MTFR2: variants seen among roughly 807,000 people sequenced by gnomAD.
The protein encoded by MTFR2 is DUF729 domain-containing protein 1.
MTFR2 carries 44 observed loss-of-function variants against 41.2 expected under a neutral mutation model. The observed-to-expected ratio is 1.07, with a 90% confidence interval of 0.84 to 1.37. The LOEUF (loss-of-function observed/expected upper bound fraction) is 1.37, where lower values mean the gene tolerates loss of function less well. MTFR2 is among the 40% of genes most tolerant of loss of function. MTFR2 has a pLI of 0.00. For synonymous variants in MTFR2, 141 were observed against 154.6 expected, an observed-to-expected ratio of 0.91 and a Z score of 0.65; for missense variants, 452 against 459.5, an observed-to-expected ratio of 0.98 and a Z score of 0.15.
At position 136,233,451 on chromosome 6, in the gene MTFR2, A is replaced by G. The variant is rs150114676; in HGVS notation, c.918T>C (p.His306=). ...PIHKRKRQNS[H]WDPVSLISHA... ...GAGATATTAAAGAAACTGGATCCCAATGTGAATTCTGTCTTTTCCTCTTAT... is the reference window on the plus strand; with the variant it reads ...GAGATATTAAAGAAACTGGATCCCAGTGTGAATTCTGTCTTTTCCTCTTAT... Residue 306 remains histidine, a synonymous_variant, in exon 7 of 8, where the codon CAT becomes CAC. Coordinates refer to ENST00000420702, the MANE Select transcript of MTFR2 (RefSeq NM_001099286.3). 43 of 1,591,750 alleles carry G rather than the reference A, an allele frequency of 2.7e-5. No individual in the cohort carries two copies. The highest frequency in any genetic ancestry group is 1.6e-4 in the East Asian group (7 of 44,478).
At chr6:136,234,143 G>A (rs981372967) in intron 6 of MTFR2, among the ~76,000 whole-genome samples, 1 of 151,712 alleles carries the variant, frequency 6.6e-6, no homozygotes, top group Admixed American at 6.6e-5. Context: ...AGCAGCTTGG[G>A]TAACATAGCG....
chr6:136,233,852 A>C (rs200764969), intron 6 of MTFR2, among the ~76,000 whole-genome samples: 2 of 141,366 alleles, frequency 1.4e-5, no homozygotes, highest in Non-Finnish European at 3.1e-5. Flanking sequence ...AGTTCATGCC[A>C]AAAAAAAAAA....
chr6:136,233,519 AT>A lies in MTFR2; in HGVS notation c.870-21del. The A allele has an allele frequency of 2.1e-6, 3 of 1,459,848 alleles. No homozygotes were observed. The highest frequency in any genetic ancestry group is 2.7e-6 in the Non-Finnish European group (3 of 1,097,002). 90.4% of individuals were successfully genotyped at this position (1,459,848 alleles called of 1,614,324 possible). On this transcript the variant is annotated intron_variant, in intron 6 of 7. Coordinates refer to ENST00000420702, the MANE Select transcript of MTFR2 (RefSeq NM_001099286.3). ...GGTGACCTATTTTTTAAAAAAAAAA[AT>A]TGAATTTATTAAAACTTGGATGTAA...
At chr6:136,233,690 C>T (rs1779829859) in intron 6 of MTFR2, among the ~76,000 whole-genome samples, 191 bp from the exon 7 acceptor site, 1 of 152,032 alleles carries the variant, frequency 6.6e-6, no homozygotes, top group Non-Finnish European at 1.5e-5. Context: ...ATCAGAAAAC[C>T]AAGAACCCAT....
In MTFR2 at chr6:136,231,408, T is replaced by A; in HGVS notation, c.1045-20A>T. On this transcript the variant is annotated intron_variant, in intron 7 of 7. Coordinates refer to ENST00000420702, the MANE Select transcript of MTFR2 (RefSeq NM_001099286.3). ...TCCAAACTGAAATAAAGCAAATATT[T>A]AACACAGAAATTATTCTAATGTCAA... 1 of 1,453,498 alleles carries A rather than the reference T, an allele frequency of 6.9e-7. No individual in the cohort carries two copies. Among genetic ancestry groups the A allele is most frequent in the Non-Finnish European group, 9.5e-7 (1 of 1,052,158 alleles). The allele number at this position is 1,453,498 out of a possible 1,614,324, so 90.0% of individuals were successfully genotyped here.
At chr6:136,242,795 A>AC in intron 4 of MTFR2, 66 bp downstream of exon 4, 3 of 1,247,110 alleles carry the variant, frequency 2.4e-6, no homozygotes, top group Non-Finnish European at 3.4e-6. Context: ...ATCAATCTTA[A>AC]CAAGCTTCGA....
Position 136,240,960 on chromosome 6 carries a change from G to A in MTFR2, c.514+484C>T, listed in dbSNP as rs193055053. ...CAAAAAATTAGCCGAGCGTGGTGGCGGGCGCCTGTAGTCCCAGCTACTCGA... is the reference window on the plus strand; with the variant it reads ...CAAAAAATTAGCCGAGCGTGGTGGCAGGCGCCTGTAGTCCCAGCTACTCGA... On this transcript the variant is annotated intron_variant, in intron 5 of 7. Coordinates refer to ENST00000420702, the MANE Select transcript of MTFR2 (RefSeq NM_001099286.3). Among the ~76,000 whole-genome samples the A allele has an allele frequency of 1.9e-3, 287 of 152,154 alleles. 2 individuals are homozygous for A. Among genetic ancestry groups the A allele is most frequent in the Admixed American group, 7.5e-3 (115 of 15,292 alleles).
At chr6:136,244,210 T>C (rs190896483) in intron 3 of MTFR2, among the ~76,000 whole-genome samples, 5 of 152,336 alleles carry the variant, frequency 3.3e-5, no homozygotes, top group African/African-American at 1.2e-4. Flanking sequence ...TGTACAGTAA[T>C]GTCCTAGGCC....
At position 136,231,354 on chromosome 6, in the gene MTFR2, C is replaced by T. The variant is rs79645194; in HGVS notation, c.1079G>A (p.Arg360Gln). 10,552 of 1,611,540 alleles carry T rather than the reference C, an allele frequency of 6.5e-3. 560 individuals are homozygous for T. The African/African-American group carries it at 0.11, about 17-fold the overall frequency. The change falls in exon 8 of 8, where the codon CGA (arginine) becomes CAA (glutamine). Residue 360 changes from arginine (R) to glutamine (Q), a missense_variant. Arg to Gln is a conservative substitution (Grantham distance 43). Coordinates refer to ENST00000420702, the MANE Select transcript of MTFR2 (RefSeq NM_001099286.3). ...TGTGTTGACCATTTCTTCTTTAGTT[C>T]GCTGTCCTTCTGACTGTGAAATGTG... is the stretch of plus-strand genomic sequence containing the variant. ...GHHISQSEGQ[R>Q]TKEEMVNTKA... is the part of the protein sequence containing the mutation.
chr6:136,243,041 G>A, intron 3 of MTFR2, 68 bp from the exon 4 acceptor site: 2 of 941,112 alleles, frequency 2.1e-6, no homozygotes, highest in Non-Finnish European at 3.1e-6. Context: ...ATGCCCCATG[G>A]TATTAAATTA....
Position 136,231,352 on chromosome 6 carries a change from T to C in MTFR2, c.1081A>G (p.Thr361Ala), listed in dbSNP as rs1436890346. The C allele has an allele frequency of 6.2e-7, 1 of 1,612,342 alleles. No individual in the cohort carries two copies. The highest frequency in any genetic ancestry group is 2.2e-5 in the East Asian group (1 of 44,844). ...TTTGTGTTGACCATTTCTTCTTTAG[T>C]TCGCTGTCCTTCTGACTGTGAAATG... ...HHISQSEGQR[T>A]KEEMVNTKAV... is the part of the protein sequence containing the mutation. The change falls in exon 8 of 8, where the codon ACT becomes GCT. Residue 361 changes from threonine to alanine, a missense_variant. Physicochemically the swap from Thr to Ala is moderately conservative, Grantham distance 58. Transcript: ENST00000420702.
At chr6:136,244,727 G>C in intron 3 of MTFR2, 38 bp downstream of exon 3, 2 of 1,365,196 alleles carry the variant, frequency 1.5e-6, no homozygotes, top group Non-Finnish European at 2.1e-6. Context: ...GGATTATTTT[G>C]TACTTGGTAC....
Position 136,233,502 on chromosome 6 carries a change from AT to A in MTFR2, c.870-4del, listed in dbSNP as rs199945186. On this transcript the variant is annotated splice_region_variant and splice_polypyrimidine_tract_variant and intron_variant, in intron 6 of 7. Coordinates refer to ENST00000420702, the MANE Select transcript of MTFR2 (RefSeq NM_001099286.3). ...GAATGGGTCTACCGCCAGGTGACCTATTTTTTAAAAAAAAAAATTGAATTTA... is the reference window on the plus strand; with the variant it reads ...GAATGGGTCTACCGCCAGGTGACCTATTTTTAAAAAAAAAAATTGAATTTA... 1.2e-5 allele frequency: 17 copies of A among 1,468,732 alleles called. No individual in the cohort carries two copies. The highest frequency in any genetic ancestry group is 7.0e-5 in the East Asian group (3 of 42,866). The allele number at this position is 1,468,732 out of a possible 1,614,324, so 91.0% of individuals were successfully genotyped here.
intron 5 of MTFR2, among the ~76,000 whole-genome samples, chr6:136,241,009 T>G (rs1050544399): frequency 4.1e-5 from 6 of 146,722 alleles, no homozygotes; most frequent in African/African-American, 8.1e-5. Context: ...GAGAATGGCG[T>G]GAACCCGGGA....
intron 6 of MTFR2, among the ~76,000 whole-genome samples, chr6:136,234,620 G>A (rs1779857399): frequency 6.6e-6 from 1 of 152,128 alleles, no homozygotes; most frequent in African/African-American, 2.4e-5. Flanking sequence ...CACAGCAAGG[G>A]CTCTAGAACT....
At chr6:136,240,613 AAAGC>A (rs1186450921) in intron 5 of MTFR2, among the ~76,000 whole-genome samples, 1 of 152,152 alleles carries the variant, frequency 6.6e-6, no homozygotes, top group Non-Finnish European at 1.5e-5. Context: ...GCATAAGTTT[AAAGC>A]AAGTTGTATC....
intron 2 of MTFR2, among the ~76,000 whole-genome samples, chr6:136,247,135 AG>A (rs1238125025): frequency 6.6e-6 from 1 of 152,164 alleles, no homozygotes; most frequent in Admixed American, 6.5e-5. Context: ...GGATCACTTG[AG>A]GTTAGGAATT....
chr6:136,247,918 A>C (rs537578180), intron 2 of MTFR2, among the ~76,000 whole-genome samples: 1 of 152,318 alleles, frequency 6.6e-6, no homozygotes, highest in South Asian at 2.1e-4. Flanking sequence ...TACATACTAA[A>C]ACCATATATA....
intron 4 of MTFR2, 35 bp from the exon 5 acceptor site, chr6:136,241,711 A>C: frequency 6.7e-7 from 1 of 1,487,800 alleles, no homozygotes; most frequent in Non-Finnish European, 9.2e-7. Context: ...TGGAGGGAAG[A>C]TATATTTCCA....
Sources: allele counts gnomAD v4.1 joint callset (sites outside exome capture counted in the v4.1 genomes callset), GRCh38; gene constraint gnomAD v4.1.1; transcripts MANE v1.5; gene names NCBI Gene and HGNC (gene_info 2026-07-23, HGNC 2026-07-21).